OR9Q1: variants seen among roughly 807,000 people sequenced by gnomAD.
OR9Q1 encodes olfactory receptor family 9 subfamily Q member 1, also known as olfactory receptor 9Q1.
For missense variants in OR9Q1, 374 were observed against 378.8 expected, an observed-to-expected ratio of 0.99 and a Z score of 0.11; for synonymous variants, 153 against 148.6, an observed-to-expected ratio of 1.03 and a Z score of -0.22.
intron 1 of OR9Q1, among the ~76,000 whole-genome samples, chr11:58,050,593 C>T (rs1365198590): frequency 1.7e-5 from 2 of 118,784 alleles, no homozygotes; most frequent in African/African-American, 6.1e-5. Flanking sequence ...CCAAAATTGA[C>T]AAATGGGATC....
At chr11:58,134,264 C>T (rs1002529584) in intron 2 of OR9Q1, among the ~76,000 whole-genome samples, 9 of 152,258 alleles carry the variant, frequency 5.9e-5, no homozygotes, top group Middle Eastern at 3.4e-3. Flanking sequence ...GCAGAGAGCA[C>T]TAGTAGCTCT....
At chr11:58,119,246 A>AG in intron 2 of OR9Q1, 1 of 1,613,966 alleles carries the variant, frequency 6.2e-7, no homozygotes, top group Non-Finnish European at 8.5e-7. Flanking sequence ...TCCAGCAGGG[A>AG]GAGGTGGCTC....
chr11:58,147,546 C>T, intron 2 of OR9Q1, among the ~76,000 whole-genome samples: 1 of 152,150 alleles, frequency 6.6e-6, no homozygotes, highest in East Asian at 1.9e-4. Context: ...ACCTCATACC[C>T]CTCCCAGTTT....
At chr11:58,077,299 A>T (rs1386561643) in intron 2 of OR9Q1, 1 of 152,226 alleles carries the variant, frequency 6.6e-6, no homozygotes, top group African/African-American at 2.4e-5. Flanking sequence ...TCCTCCTTCA[A>T]TAGCTTAAGG....
At chr11:58,052,577 T>A (rs1271274574) in intron 1 of OR9Q1, among the ~76,000 whole-genome samples, 1 of 40,824 alleles carries the variant, frequency 2.4e-5, no homozygotes, top group African/African-American at 1.0e-4. Flanking sequence ...ACATGTACCC[T>A]AAAACTTAAA....
rs1336088050 is a variant in OR9Q1 at position 58,180,995 on chromosome 11, T to C, written c.*618T>C. The C allele has an allele frequency of 6.0e-6, 1 of 167,088 alleles. No homozygotes were observed. The highest frequency in any genetic ancestry group is 1.5e-5 in the Non-Finnish European group (1 of 68,114). The allele number at this position is 167,088 out of a possible 1,614,324, so 10.4% of individuals were successfully genotyped here. A position where few individuals can be genotyped will look rare whatever the true frequency, so the allele number is the denominator to read the frequency against. ...TAATGATCAAACTATGGTCGTTTGA[T>C]GATCCAATTAGCAAAGCTGACCCTA... On this transcript the variant is annotated 3_prime_UTR_variant, in exon 3 of 3. Transcript: ENST00000335397.
intron 1 of OR9Q1, among the ~76,000 whole-genome samples, chr11:58,055,097 T>G (rs1328660996): frequency 6.6e-6 from 1 of 152,216 alleles, no homozygotes; most frequent in Non-Finnish European, 1.5e-5. Flanking sequence ...GTGACATTCC[T>G]CACTCTATCT....
chr11:58,054,794 C>T (rs1016899376), intron 1 of OR9Q1, among the ~76,000 whole-genome samples: 8 of 152,068 alleles, frequency 5.3e-5, no homozygotes, highest in Non-Finnish European at 1.2e-4. Flanking sequence ...CATGGTGGTG[C>T]GTGCCTGAAG....
intron 2 of OR9Q1, among the ~76,000 whole-genome samples, chr11:58,107,956 T>C (rs1287769894): frequency 6.6e-6 from 1 of 152,146 alleles, no homozygotes; most frequent in African/African-American, 2.4e-5. Context: ...AGGTCTATCA[T>C]TGTTGACTTT....
rs1259858140 is a variant in OR9Q1 at position 58,028,732 on chromosome 11, A to G, written c.-93+4628A>G. ...ATGAAGTGTCTGGGGCTGCAATGCA[A>G]TTATGTGAGAGGAAGCCAATGTTTA... On this transcript the variant is annotated intron_variant, in intron 1 of 2. Coordinates refer to ENST00000335397, the MANE Select transcript of OR9Q1 (RefSeq NM_001005212.4). Among the ~76,000 whole-genome samples, 5 of 152,184 alleles carry G rather than the reference A, an allele frequency of 3.3e-5. No individual in the cohort carries two copies. The East Asian group carries it at 9.6e-4, about 29-fold the overall frequency.
intron 2 of OR9Q1, among the ~76,000 whole-genome samples, chr11:58,085,346 T>C (rs1853624405): frequency 1.3e-5 from 2 of 151,890 alleles, no homozygotes; most frequent in South Asian, 4.1e-4. Context: ...ATCAATGTAT[T>C]AATCATCTCC....
At chr11:58,177,697 C>T (rs542875407) in intron 2 of OR9Q1, among the ~76,000 whole-genome samples, 14 of 152,230 alleles carry the variant, frequency 9.2e-5, no homozygotes, top group Admixed American at 3.9e-4. Flanking sequence ...TCTTAGACTT[C>T]GGGCATTTTC....
chr11:58,118,631 T>C (rs766160473), intron 2 of OR9Q1: 1 of 1,613,966 alleles, frequency 6.2e-7, no homozygotes. Flanking sequence ...GACACGACTT[T>C]GTCTTCCTCC....
In OR9Q1 at chr11:58,142,470, T is replaced by A. The variant is rs555734779; in HGVS notation, c.-14-36961T>A. 5.9e-5 allele frequency among the ~76,000 whole-genome samples: 9 copies of A among 152,248 alleles called. No homozygotes were observed. The South Asian group carries it at 1.7e-3, about 28-fold the overall frequency. The stretch of plus-strand genomic sequence containing the variant: ...TCAGGGTAAGATTTGGCCTTAAGTA[T>A]AGAAAAACAACCTAAATATTTACCC... On this transcript the variant is annotated intron_variant, in intron 2 of 2. Coordinates refer to ENST00000335397, the MANE Select transcript of OR9Q1 (RefSeq NM_001005212.4).
At chr11:58,151,059 T>C (rs965779744) in intron 2 of OR9Q1, among the ~76,000 whole-genome samples, 1 of 152,220 alleles carries the variant, frequency 6.6e-6, no homozygotes, top group Non-Finnish European at 1.5e-5. Flanking sequence ...GTTTAGGTAT[T>C]TTATCCATTT....
intron 2 of OR9Q1, among the ~76,000 whole-genome samples, chr11:58,075,784 A>T (rs1471703197): frequency 6.6e-6 from 1 of 152,232 alleles, no homozygotes; most frequent in East Asian, 1.9e-4. Context: ...GGCTAAGACA[A>T]GTGATGGCAT....
chr11:58,161,394 C>T lies in OR9Q1; in HGVS notation c.-14-18037C>T, dbSNP rs112946818. Among the ~76,000 whole-genome samples the T allele has an allele frequency of 1.2e-4, 18 of 152,144 alleles. 1 individual carries two copies. Among genetic ancestry groups the T allele is most frequent in the African/African-American group, 3.1e-4 (13 of 41,512 alleles). On this transcript the variant is annotated intron_variant, in intron 2 of 2. Transcript: ENST00000335397. ...GACAGAGAGAGAGAGAAGAATGAGG[C>T]AATGGCGTAATAGATGGACAGAAAA...
At chr11:58,150,597 T>C (rs1402015215) in intron 2 of OR9Q1, among the ~76,000 whole-genome samples, 4 of 152,198 alleles carry the variant, frequency 2.6e-5, no homozygotes, top group Non-Finnish European at 4.4e-5. Context: ...CCTGTGGATA[T>C]TGTAAACATC....
At chr11:58,127,745 G>C (rs905705851) in intron 2 of OR9Q1, among the ~76,000 whole-genome samples, 2 of 152,140 alleles carry the variant, frequency 1.3e-5, no homozygotes, top group African/African-American at 4.8e-5. Context: ...AGAATTTTGA[G>C]TGTTTATATC....
Sources: allele counts gnomAD v4.1 joint callset (sites outside exome capture counted in the v4.1 genomes callset), GRCh38; gene constraint gnomAD v4.1.1; transcripts MANE v1.5; gene names NCBI Gene and HGNC (gene_info 2026-07-23, HGNC 2026-07-21).